The following DTL variants were observed in gnomAD, a reference collection of about 807,000 sequenced individuals.
DTL encodes denticleless E3 ubiquitin protein ligase adapter, also known as denticleless protein homolog.
In DTL, 46 loss-of-function variants were observed where a neutral mutation model predicts 87.0. The observed-to-expected ratio is 0.53, with a 90% CI of 0.42 to 0.68. DTL has a LOEUF of 0.68. Among genes scored for constraint, DTL ranks in the 30% least tolerant of loss-of-function variants. The probability of loss-of-function intolerance (pLI) is 0.00; values close to 1 mark genes in which losing one functional copy is unlikely to be tolerated. For synonymous variants in DTL, 308 were observed against 311.2 expected, an observed-to-expected ratio of 0.99 and a Z score of 0.11; for missense variants, 737 against 869.4, an observed-to-expected ratio of 0.85 and a Z score of 1.91.
intron 5 of DTL, among the ~76,000 whole-genome samples, chr1:212,052,665 A>AT (rs974091911): frequency 2.6e-4 from 38 of 148,774 alleles, no homozygotes; most frequent in African/African-American, 9.2e-4. Flanking sequence ...AAAAAGAAAT[A>AT]TTTTTTCTGC....
At chr1:212,095,531 T>G (rs773497250) in intron 13 of DTL, among the ~76,000 whole-genome samples, 2 of 152,162 alleles carry the variant, frequency 1.3e-5, no homozygotes, top group Non-Finnish European at 2.9e-5. Flanking sequence ...AGATGGGGTT[T>G]CACCATGTTG....
chr1:212,093,403 G>T (rs971574014), intron 13 of DTL, among the ~76,000 whole-genome samples: 1 of 152,214 alleles, frequency 6.6e-6, no homozygotes, highest in African/African-American at 2.4e-5. Context: ...TCTGTATCCC[G>T]GGGTTCTTGC....
At chr1:212,065,737 G>T (rs548791033) in intron 7 of DTL, among the ~76,000 whole-genome samples, 1 of 152,048 alleles carries the variant, frequency 6.6e-6, no homozygotes, top group Non-Finnish European at 1.5e-5. Context: ...ACAGAGTCTC[G>T]CTCTGTCACC....
Position 212,047,429 on chromosome 1 carries a change from C to T in DTL, c.460+12C>T, listed in dbSNP as rs749223795. On this transcript the variant is annotated intron_variant, in intron 5 of 14. Coordinates refer to ENST00000366991, the MANE Select transcript of DTL (RefSeq NM_016448.4). The stretch of plus-strand genomic sequence containing the variant: ...TAAGTTTGAGAAAGGTAGGTTTGTG[C>T]TTATCTTCTTTCATCTCCTTAACCT... The T allele has an allele frequency of 6.2e-7, 1 of 1,614,120 alleles. No homozygotes were observed. Among genetic ancestry groups the T allele is most frequent in the Non-Finnish European group, 8.5e-7 (1 of 1,180,022 alleles).
At chr1:212,051,634 A>G (rs1320976235) in intron 5 of DTL, 1 of 793,476 alleles carries the variant, frequency 1.3e-6, no homozygotes, top group African/African-American at 1.8e-5. Context: ...AGTTGAACCC[A>G]GGTACCTTTC....
At chr1:212,050,915 C>T (rs898736436) in intron 5 of DTL, among the ~76,000 whole-genome samples, 33 of 152,010 alleles carry the variant, frequency 2.2e-4, no homozygotes, top group African/African-American at 8.0e-4. Flanking sequence ...GTCTTTTCTT[C>T]TGCTTGTATA....
intron 5 of DTL, among the ~76,000 whole-genome samples, chr1:212,061,247 C>CAA (rs1258680124): frequency 8.3e-4 from 87 of 105,344 alleles, no homozygotes; most frequent in African/African-American, 2.8e-3. Context: ...GATCCTGTCT[C>CAA]AAAAAAAAAA....
Position 212,102,846 on chromosome 1 carries a change from C to T in DTL, c.2099C>T (p.Thr700Ile). 6.2e-7 allele frequency: 1 copy of T among 1,607,010 alleles called. No individual in the cohort carries two copies. Among genetic ancestry groups the T allele is most frequent in the Non-Finnish European group, 8.5e-7 (1 of 1,174,862 alleles). Residue 700 changes from threonine to isoleucine, a missense_variant, in exon 15 of 15, where the codon ACC becomes ATC. Physicochemically the swap from Thr to Ile is moderately conservative, Grantham distance 89. Coordinates refer to ENST00000366991, the MANE Select transcript of DTL (RefSeq NM_016448.4). ...ATCTAAACTTTCTTCTTCTAGGTCA[C>T]CATCACGCCCAGCTCCATGAGGAAA... is the stretch of plus-strand genomic sequence containing the variant. ...QSGKKLPSPV[T>I]ITPSSMRKIC...
chr1:212,100,337 T>C lies in DTL; in HGVS notation c.1347T>C (p.Ala449=). 6.2e-7 allele frequency: 1 copy of C among 1,613,828 alleles called. No individual in the cohort carries two copies. Among genetic ancestry groups the C allele is most frequent in the Admixed American group, 1.7e-5 (1 of 59,980 alleles). Residue 449 remains alanine, a synonymous_variant, in exon 14 of 15, where the codon GCT becomes GCC. Coordinates refer to ENST00000366991, the MANE Select transcript of DTL (RefSeq NM_016448.4). ...CCAATTCTTCCCCGTCATCCGCAGC[T>C]TGTGCCCCAAGCTGTGCTGGAGACC... The part of the protein sequence containing the change: ...NPSNSSPSSA[A]CAPSCAGDLP...
At chr1:212,069,660 C>T (rs1398294024) in intron 10 of DTL, among the ~76,000 whole-genome samples, 1 of 152,078 alleles carries the variant, frequency 6.6e-6, no homozygotes, top group Non-Finnish European at 1.5e-5. Context: ...ATTCTCCTGC[C>T]TCAGCCTCCC....
In DTL at chr1:212,056,061, A is replaced by AT. The variant is rs1309919457; in HGVS notation, c.461-6817dup. On this transcript the variant is annotated intron_variant, in intron 5 of 14. Transcript: ENST00000366991. ...GTACGGAACACTTGGGTTCCAGGGG[A>AT]TTTTTTCATCACTGCTACTGTCATC... Among the ~76,000 whole-genome samples the AT allele has an allele frequency of 2.6e-5, 4 of 152,158 alleles. No homozygotes were observed. In the East Asian group the frequency reaches 5.8e-4, roughly 22 times the overall value.
chr1:212,068,286 C>G lies in DTL; in HGVS notation c.776C>G (p.Ser259Cys), dbSNP rs1654568040. The change falls in exon 9 of 15, where the codon TCC (serine) becomes TGC (cysteine). Residue 259 changes from serine (S) to cysteine (C), a missense_variant. Transcript: ENST00000366991. ...GCTTATCGACAAGAACCCATAGCAT[C>G]CAAGTCTTTCCTGTACCCAGGTAGC... ...YTAYRQEPIASKSFLYPGSST... is the reference protein window; with the variant it reads ...YTAYRQEPIACKSFLYPGSST... 1 of 1,612,440 alleles carries G rather than the reference C, an allele frequency of 6.2e-7. No individual in the cohort carries two copies. Among genetic ancestry groups the G allele is most frequent in the Admixed American group, 1.7e-5 (1 of 59,678 alleles).
intron 5 of DTL, among the ~76,000 whole-genome samples, chr1:212,057,180 T>A (rs1442178917): frequency 6.6e-6 from 1 of 151,896 alleles, no homozygotes; most frequent in Non-Finnish European, 1.5e-5. Context: ...TCAAAAAGGT[T>A]TTTTTTCCAT....
chr1:212,068,466 G>T, intron 9 of DTL, 133 bp from the exon 10 acceptor site: 1 of 831,440 alleles, frequency 1.2e-6, no homozygotes, highest in South Asian at 1.8e-5. Context: ...GAATGTTTTT[G>T]GTTTGTGTAT....
At chr1:212,098,228 A>T (rs943047887) in intron 13 of DTL, among the ~76,000 whole-genome samples, 4 of 62,308 alleles carry the variant, frequency 6.4e-5, no homozygotes, top group Non-Finnish European at 1.3e-4. Context: ...AAGTTATTAC[A>T]TGGACAGACT....
chr1:212,084,465 C>T (rs7550754), intron 13 of DTL, among the ~76,000 whole-genome samples: 59,958 of 151,794 alleles, frequency 0.39, 12,348 homozygotes, highest in East Asian at 0.59. Context: ...GGATTACAGG[C>T]GTGAGCCACC....
intron 7 of DTL, 31 bp downstream of exon 7, chr1:212,065,060 AG>A: frequency 6.8e-7 from 1 of 1,467,744 alleles, no homozygotes; most frequent in Non-Finnish European, 9.5e-7. Context: ...ACATGTGTGC[AG>A]ATCTTATCTG....
intron 5 of DTL, among the ~76,000 whole-genome samples, chr1:212,055,368 G>A (rs1392183027): frequency 6.6e-6 from 1 of 152,062 alleles, no homozygotes; most frequent in Non-Finnish European, 1.5e-5. Context: ...CTTCATGAAG[G>A]CATTGCTCCA....
At chr1:212,059,662 T>A (rs1668281511) in intron 5 of DTL, among the ~76,000 whole-genome samples, 2 of 151,788 alleles carry the variant, frequency 1.3e-5, no homozygotes, top group African/African-American at 4.8e-5. Flanking sequence ...GTACTGGAAG[T>A]TCTACCCAGA....
Sources: gnomAD v4.1 joint callset for allele counts (sites outside exome capture counted in the v4.1 genomes callset) on GRCh38, gnomAD v4.1.1 for gene constraint, MANE v1.5 for transcripts, NCBI Gene and HGNC (gene_info 2026-07-23, HGNC 2026-07-21) for gene names.